CPED1: variants seen among roughly 807,000 people sequenced by gnomAD.
CPED1 encodes the protein cadherin like and PC-esterase domain containing 1.
CPED1 carries 114 observed loss-of-function variants against 128.2 expected under a neutral mutation model. The ratio of observed to expected loss-of-function variants is 0.89; its 90% CI spans 0.76 to 1.04. The LOEUF (loss-of-function observed/expected upper bound fraction) is 1.04. CPED1 is among the 50% of genes least tolerant of loss of function. The pLI is 0.00. For synonymous variants in CPED1, 462 were observed against 426.7 expected (o/e 1.08, Z -1.02); for missense variants, 1,211 against 1,207.1 (o/e 1.00, Z -0.05).
At chr7:121,204,319 AG>A (rs538584448) in intron 16 of CPED1, among the ~76,000 whole-genome samples, 126 of 152,228 alleles carry the variant, frequency 8.3e-4, no homozygotes, top group African/African-American at 3.0e-3. Flanking sequence ...AATGAGAAAA[AG>A]GATCAGAAAA....
rs1360948186 is a variant in CPED1, at chr7:121,179,841, G to A, written c.2055+37700G>A. Among the ~76,000 whole-genome samples, 3 of 152,160 alleles carry A rather than the reference G, an allele frequency of 2.0e-5. No homozygotes were observed. The East Asian group carries it at 5.8e-4, about 29-fold the overall frequency. On this transcript the variant is annotated intron_variant, in intron 16 of 22. Coordinates refer to ENST00000310396, the MANE Select transcript of CPED1 (RefSeq NM_024913.5). Reference sequence around the variant, plus strand: ...ACAAATAAATTATATTGCTTTGATAGTCTGAAGTTTTGTTAGTAACCATTT... The same window carrying A: ...ACAAATAAATTATATTGCTTTGATAATCTGAAGTTTTGTTAGTAACCATTT...
chr7:121,046,056 T>C (rs900531820), intron 3 of CPED1, among the ~76,000 whole-genome samples: 21 of 152,000 alleles, frequency 1.4e-4, no homozygotes, highest in Admixed American at 1.2e-3. Flanking sequence ...TATATAGATA[T>C]ATAGCAATAT....
rs1794803504 is a variant in CPED1, at chr7:121,099,917, T to C, written c.750-9T>C. On this transcript the variant is annotated splice_polypyrimidine_tract_variant and intron_variant, in intron 6 of 22. Transcript: ENST00000310396. ...ATGGAGCGCTAACTATGTTTTTTTT[T>C]TTTTTTAGGAATGAAACGACAGTCC... 4.4e-6 allele frequency: 7 copies of C among 1,608,064 alleles called. No individual in the cohort carries two copies. The highest frequency in any genetic ancestry group is 1.3e-5 in the African/African-American group (1 of 74,194).
intron 7 of CPED1, among the ~76,000 whole-genome samples, chr7:121,122,499 T>C (rs1795415377): frequency 1.3e-5 from 2 of 152,184 alleles, no homozygotes; most frequent in South Asian, 4.1e-4. Flanking sequence ...ACAGATGTGC[T>C]GGGTGGTGGA....
chr7:121,141,903 T>C (rs1328736502), intron 15 of CPED1, 70 bp from the exon 16 acceptor site: 1 of 1,223,758 alleles, frequency 8.2e-7, no homozygotes, highest in Non-Finnish European at 1.2e-6. Flanking sequence ...AATATTGATA[T>C]ATGAATCAGT....
chr7:121,250,941 A>G (rs181802010), intron 18 of CPED1, among the ~76,000 whole-genome samples: 12 of 152,098 alleles, frequency 7.9e-5, no homozygotes, highest in African/African-American at 2.9e-4. Flanking sequence ...AATAGAAAAA[A>G]AGGGAATCCT....
chr7:121,107,531 C>G (rs925719473), intron 7 of CPED1, among the ~76,000 whole-genome samples: 1 of 152,082 alleles, frequency 6.6e-6, no homozygotes, highest in East Asian at 1.9e-4. Context: ...AGAGACTCCA[C>G]TCATCAAATT....
chr7:121,086,476 G>A (rs1490675024), intron 5 of CPED1, among the ~76,000 whole-genome samples: 2 of 152,082 alleles, frequency 1.3e-5, no homozygotes, highest in African/African-American at 4.8e-5. Context: ...GTAGAATATG[G>A]CTCATGAGGG....
At chr7:121,245,451 T>C (rs7778938) in intron 18 of CPED1, among the ~76,000 whole-genome samples, 44,660 of 152,022 alleles carry the variant, frequency 0.29, 6,978 homozygotes, top group Middle Eastern at 0.42. Flanking sequence ...CACCAGACTG[T>C]AAGCTTCAAA....
At chr7:121,125,225 T>C (rs1025313940) in intron 8 of CPED1, among the ~76,000 whole-genome samples, 3 of 152,192 alleles carry the variant, frequency 2.0e-5, no homozygotes, top group African/African-American at 7.2e-5. Context: ...AGTAGATATA[T>C]TGAAAATTAA....
intron 9 of CPED1, 67 bp from the exon 10 acceptor site, chr7:121,127,022 AG>A: frequency 8.5e-7 from 1 of 1,170,218 alleles, no homozygotes; most frequent in Non-Finnish European, 1.2e-6. Flanking sequence ...ATCATGTCTT[AG>A]AAGTAATTCC....
At chr7:121,255,357 C>T (rs1440542785) in intron 18 of CPED1, among the ~76,000 whole-genome samples, 1 of 152,028 alleles carries the variant, frequency 6.6e-6, no homozygotes, top group Non-Finnish European at 1.5e-5. Context: ...TAAATTTCAA[C>T]ATTCCTTCAT....
chr7:121,117,080 T>TATATATATATATATATATATATATAA (rs1563031986), intron 7 of CPED1, among the ~76,000 whole-genome samples: 1 of 78,774 alleles, frequency 1.3e-5, no homozygotes, highest in African/African-American at 5.5e-5. Flanking sequence ...ATACACATTA[T>TATATATATATATATATATATATATAA]ATATATATAT....
At chr7:121,063,048 T>C (rs1300476694) in intron 4 of CPED1, among the ~76,000 whole-genome samples, 1 of 152,202 alleles carries the variant, frequency 6.6e-6, no homozygotes, top group African/African-American at 2.4e-5. Flanking sequence ...TTTGGTGTCC[T>C]TGTGGACTTT....
intron 2 of CPED1, 112 bp from the exon 3 acceptor site, chr7:121,015,553 A>T: frequency 1.0e-6 from 1 of 963,404 alleles, no homozygotes; most frequent in Non-Finnish European, 1.5e-6. Flanking sequence ...TTTCACTTCT[A>T]GAGAAAAACT....
chr7:121,060,007 G>A (rs1048021347), intron 4 of CPED1, among the ~76,000 whole-genome samples: 28 of 152,182 alleles, frequency 1.8e-4, no homozygotes, highest in Admixed American at 2.0e-4. Flanking sequence ...TGCGCGCGGC[G>A]CTTGCGGGCC....
At chr7:121,064,139 T>C (rs549795694) in intron 4 of CPED1, 99 bp from the exon 5 acceptor site, 1 of 775,974 alleles carries the variant, frequency 1.3e-6, no homozygotes, top group East Asian at 2.4e-5. Flanking sequence ...GTTTAGACAG[T>C]GCATCCCATC....
intron 18 of CPED1, among the ~76,000 whole-genome samples, chr7:121,251,886 G>C (rs1798680730): frequency 1.3e-5 from 2 of 151,212 alleles, no homozygotes; most frequent in Non-Finnish European, 2.9e-5. Flanking sequence ...TGGCCATACT[G>C]CCCAAGGTAA....
chr7:121,113,066 C>A (rs761087140), intron 7 of CPED1, among the ~76,000 whole-genome samples: 2 of 152,128 alleles, frequency 1.3e-5, no homozygotes, highest in African/African-American at 4.8e-5. Flanking sequence ...AGTATAATTT[C>A]ACCCACAATA....
Sources: allele counts gnomAD v4.1 joint callset (sites outside exome capture counted in the v4.1 genomes callset), GRCh38; gene constraint gnomAD v4.1.1; transcripts MANE v1.5; gene names NCBI Gene and HGNC (gene_info 2026-07-23, HGNC 2026-07-21).